The following SNX31 variants were observed in gnomAD, a reference collection of about 807,000 sequenced individuals.
SNX31 encodes the protein sorting nexin-31.
SNX31 carries 58 observed loss-of-function variants against 65.4 expected under a neutral mutation model. That is an observed-to-expected ratio of 0.89 (90% CI 0.72 to 1.10). SNX31 has a LOEUF of 1.10. Ranked by LOEUF, SNX31 falls within the 50% of genes least tolerant of loss-of-function variation. The pLI is 0.00. For missense variants in SNX31, 523 were observed against 529.7 expected, an observed-to-expected ratio of 0.99 and a Z score of 0.12; for synonymous variants, 181 against 190.1, an observed-to-expected ratio of 0.95 and a Z score of 0.39.
At chr8:100,593,077 T>C (rs1814733347) in intron 10 of SNX31, among the ~76,000 whole-genome samples, 1 of 152,128 alleles carries the variant, frequency 6.6e-6, no homozygotes, top group Admixed American at 6.6e-5. Context: ...CTTTTTCAGG[T>C]GATAAAGTGT....
intron 10 of SNX31, among the ~76,000 whole-genome samples, chr8:100,590,341 C>G (rs1814459816): frequency 6.6e-6 from 1 of 152,190 alleles, no homozygotes; most frequent in African/African-American, 2.4e-5. Context: ...GCCTGTAATC[C>G]CAGCACTTTG....
At chr8:100,653,980 A>G (rs1179059867), upstream of SNX31, among the ~76,000 whole-genome samples, 1 of 152,154 alleles carries the variant, frequency 6.6e-6, no homozygotes, top group Non-Finnish European at 1.5e-5. Flanking sequence ...AATGCTTGCA[A>G]CAACCATCTG....
At chr8:100,581,308 T>G (rs1055945859) in intron 12 of SNX31, among the ~76,000 whole-genome samples, 1 of 135,844 alleles carries the variant, frequency 7.4e-6, no homozygotes, top group African/African-American at 3.3e-5. Context: ...TTAAAAAAAT[T>G]TTTTATATAT....
rs537942450 is a variant in SNX31 at position 100,655,166 on chromosome 8, C to A, written c.-58+7976G>T. ...TGACGTCCGGTCTGCCACAACAGCA[C>A]ACAGGAGGGACATTGACCCAGCAGG... is the stretch of plus-strand genomic sequence containing the variant. On this transcript the variant is annotated intron_variant, in intron 1 of 5. Transcript: ENST00000520352. 5.3e-5 allele frequency among the ~76,000 whole-genome samples: 8 copies of A among 152,234 alleles called. No individual in the cohort carries two copies. The East Asian group carries it at 1.4e-3, about 26-fold the overall frequency.
At chr8:100,654,339 G>T (rs1414521143), upstream of SNX31, among the ~76,000 whole-genome samples, 1 of 152,124 alleles carries the variant, frequency 6.6e-6, no homozygotes, top group Non-Finnish European at 1.5e-5. Context: ...CTATTTTATA[G>T]GAGACGAAAC....
chr8:100,615,697 T>A (rs1188100819), intron 5 of SNX31, among the ~76,000 whole-genome samples: 1 of 152,240 alleles, frequency 6.6e-6, no homozygotes, highest in Non-Finnish European at 1.5e-5. Flanking sequence ...AGTAGGCATG[T>A]TACTGTACTA....
chr8:100,641,272 C>G (rs1263727603), intron 2 of SNX31, among the ~76,000 whole-genome samples: 2 of 151,854 alleles, frequency 1.3e-5, no homozygotes, highest in African/African-American at 4.8e-5. Flanking sequence ...TGCGGTGGCT[C>G]ACGCCTGTCA....
upstream of SNX31, among the ~76,000 whole-genome samples, chr8:100,650,850 G>GT (rs58797178): frequency 0.45 from 61,707 of 136,840 alleles, 15,025 homozygotes; most frequent in African/African-American, 0.65. Flanking sequence ...GTGTTTTTTT[G>GT]TTTTTTTTTT....
chr8:100,573,885 T>C lies in SNX31; in HGVS notation c.1303A>G (p.Ile435Val), dbSNP rs1440273357. The C allele has an allele frequency of 6.3e-7, 1 of 1,577,220 alleles. No homozygotes were observed. Among genetic ancestry groups the C allele is most frequent in the Non-Finnish European group, 8.6e-7 (1 of 1,162,674 alleles). The change falls in exon 14 of 14, where the codon ATA becomes GTA. Residue 435 changes from isoleucine (I) to valine (V), a missense_variant. By Grantham distance (29) the Ile-to-Val change is conservative. Transcript: ENST00000311812. Reference protein sequence around the residue: ...IAKDDCVFGNIKEEDL With the variant: ...IAKDDCVFGNVKEEDL ...TTTCTTCAGAGATCTTCTTCCTTTA[T>C]GTTCCCAAAAACGCAGTCATCTTTA... is the stretch of plus-strand genomic sequence containing the variant.
chr8:100,584,320 T>C, intron 11 of SNX31, 132 bp from the exon 12 acceptor site: 1 of 612,866 alleles, frequency 1.6e-6, no homozygotes, highest in African/African-American at 1.9e-5. Flanking sequence ...GATTTCTTCA[T>C]TAACCTCTAG....
rs1173235865 is a variant in SNX31, at chr8:100,622,045, A to G, written c.322-4315T>C. Among the ~76,000 whole-genome samples the G allele has an allele frequency of 6.6e-6, 1 of 152,246 alleles. No individual in the cohort carries two copies. The highest frequency in any genetic ancestry group is 1.5e-5 in the Non-Finnish European group (1 of 68,042). The stretch of plus-strand genomic sequence containing the variant: ...CAACCTTCCACAACTTTTTAGTTAA[A>G]TAAACAAATTTCTGTTTTGTGATTT... On this transcript the variant is annotated intron_variant, in intron 4 of 13. Coordinates refer to ENST00000311812, the MANE Select transcript of SNX31 (RefSeq NM_152628.4). The surrounding 1 kb of genome is among the most constrained non-coding windows in gnomAD (Gnocchi z 5.0).
rs1586885499 is a variant in SNX31, at chr8:100,594,705, A to G, written c.978+1934T>C. ...TCACACATTGCTGGTGGGAATGTAA[A>G]ATGATGTAGCCATTCTCAAAAACAA... is the stretch of plus-strand genomic sequence containing the variant. On this transcript the variant is annotated intron_variant, in intron 10 of 13. Coordinates refer to ENST00000311812, the MANE Select transcript of SNX31 (RefSeq NM_152628.4). The surrounding 1 kb of genome is among the most constrained non-coding windows in gnomAD (Gnocchi z 4.0). 6.6e-6 allele frequency among the ~76,000 whole-genome samples: 1 copy of G among 152,358 alleles called. No homozygotes were observed. The highest frequency in any genetic ancestry group is 2.4e-5 in the African/African-American group (1 of 41,582).
rs769414323 is a variant in SNX31 at position 100,588,963 on chromosome 8, G to A, written c.995C>T (p.Thr332Met). 20 of 1,612,844 alleles carry A rather than the reference G, an allele frequency of 1.2e-5. No homozygotes were observed. Among genetic ancestry groups the A allele is most frequent in the Admixed American group, 3.3e-5 (2 of 59,942 alleles). ...GTTGAGAGTTCTCTGGGGCCCATCC[G>A]TATCCAGCAGAGTTCCCTACAAAGG... is the stretch of plus-strand genomic sequence containing the variant. Reference protein sequence around the residue: ...QVTFLGTLLDTDGPQRTLNQN... With the variant: ...QVTFLGTLLDMDGPQRTLNQN... The change falls in exon 11 of 14, where the codon ACG becomes ATG. Residue 332 changes from threonine to methionine, a missense_variant. By Grantham distance (81) the Thr-to-Met change is moderately conservative. Transcript: ENST00000311812. This position sits in a 1 kb window ranked among gnomAD's most constrained non-coding sequence, Gnocchi z 4.8.
At position 100,594,685 on chromosome 8, in the gene SNX31, C is replaced by T. The variant is rs1366335775; in HGVS notation, c.978+1954G>A. Among the ~76,000 whole-genome samples, 2 of 152,210 alleles carry T rather than the reference C, an allele frequency of 1.3e-5. No individual in the cohort carries two copies. The highest frequency in any genetic ancestry group is 2.9e-5 in the Non-Finnish European group (2 of 68,042). ...AATGCAGAAAACTGGTTCACTCACA[C>T]ATTGCTGGTGGGAATGTAAAATGAT... On this transcript the variant is annotated intron_variant, in intron 10 of 13. Transcript: ENST00000311812. The surrounding 1 kb of genome is among the most constrained non-coding windows in gnomAD (Gnocchi z 4.0).
In SNX31 at chr8:100,594,597, C is replaced by A. The variant is rs1017454661; in HGVS notation, c.978+2042G>T. 6.6e-6 allele frequency among the ~76,000 whole-genome samples: 1 copy of A among 152,144 alleles called. No individual in the cohort carries two copies. Among genetic ancestry groups the A allele is most frequent in the Non-Finnish European group, 1.5e-5 (1 of 68,028 alleles). ...GCAAACTTAAGTCACAATGAAATAT[C>A]TTTACACATATATTAGAATGACTAC... On this transcript the variant is annotated intron_variant, in intron 10 of 13. Coordinates refer to ENST00000311812, the MANE Select transcript of SNX31 (RefSeq NM_152628.4). The surrounding 1 kb of genome is among the most constrained non-coding windows in gnomAD (Gnocchi z 4.0).
At chr8:100,657,705 C>T (rs546498011) in intron 1 of SNX31, 33 of 455,638 alleles carry the variant, frequency 7.2e-5, no homozygotes, top group East Asian at 3.5e-4. Flanking sequence ...ATCAGGGTCA[C>T]GGGAGATGGT....
intron 10 of SNX31, among the ~76,000 whole-genome samples, chr8:100,593,029 G>T (rs1814728223): frequency 6.6e-6 from 1 of 152,148 alleles, no homozygotes; most frequent in South Asian, 2.1e-4. Flanking sequence ...TTTAGGGCTG[G>T]GGGGATAGGA....
intron 10 of SNX31, among the ~76,000 whole-genome samples, chr8:100,590,302 A>C (rs1029812555): frequency 6.6e-6 from 1 of 152,204 alleles, no homozygotes; most frequent in Admixed American, 6.5e-5. Flanking sequence ...ATTTTCTTTA[A>C]GAGGTTTCAG....
At chr8:100,635,716 A>G (rs547114112) in intron 3 of SNX31, among the ~76,000 whole-genome samples, 181 bp downstream of exon 3, 8 of 151,934 alleles carry the variant, frequency 5.3e-5, no homozygotes, top group East Asian at 3.9e-4. Context: ...GTGATTGCCA[A>G]TGGGTATGAG....
Sources: gnomAD v4.1 joint callset for allele counts (sites outside exome capture counted in the v4.1 genomes callset) on GRCh38, gnomAD v4.1.1 for gene constraint, Gnocchi (gnomAD v3.1) non-coding constraint, MANE v1.5 for transcripts, NCBI Gene and HGNC (gene_info 2026-07-23, HGNC 2026-07-21) for gene names.